UIMC1: variants seen among roughly 807,000 people sequenced by gnomAD.
UIMC1 encodes BRCA1-A complex subunit RAP80.
In UIMC1, 42 loss-of-function variants were observed where a neutral mutation model predicts 84.9. That is an observed-to-expected ratio of 0.49 (90% confidence interval 0.39 to 0.64). UIMC1 has a LOEUF of 0.64. UIMC1 is among the 30% of genes least tolerant of loss of function. UIMC1 has a pLI of 0.00. For synonymous variants in UIMC1, 281 were observed against 293.0 expected (o/e 0.96, Z 0.42); for missense variants, 825 against 847.6 (o/e 0.97, Z 0.33).
rs139209872 is a variant in UIMC1, at chr5:177,019,923, G to A, written c.-9+2541C>T. On this transcript the variant is annotated intron_variant, in intron 1 of 5. Transcript: ENST00000509236. ...CTCCAGCCTGGGCAACAGAGACTCC[G>A]TCTATAAAAAAAAAAAAATTGTAAA... 9.9e-3 allele frequency among the ~76,000 whole-genome samples: 1,384 copies of A among 140,086 alleles called. 9 individuals carry two copies. Among genetic ancestry groups the A allele is most frequent in the South Asian group, 0.028 (119 of 4,180 alleles). 91.9% of individuals were successfully genotyped at this position (140,086 alleles called of 152,430 possible).
intron 6 of UIMC1, among the ~76,000 whole-genome samples, chr5:176,963,293 G>A (rs1232574048): frequency 1.3e-5 from 2 of 151,956 alleles, no homozygotes; most frequent in Non-Finnish European, 2.9e-5. Context: ...GGCCAAGGGG[G>A]GCGGATGCCT....
chr5:177,009,041 C>CT (rs1278125855), upstream of UIMC1, among the ~76,000 whole-genome samples: 1 of 151,450 alleles, frequency 6.6e-6, no homozygotes, highest in Non-Finnish European at 1.5e-5. This position sits in a 1 kb window ranked among gnomAD's most constrained non-coding sequence, Gnocchi z 4.3. Flanking sequence ...AGGTCTCACT[C>CT]TGTCACCCGT....
intron 2 of UIMC1, among the ~76,000 whole-genome samples, chr5:176,976,946 G>A (rs920862214): frequency 4.1e-4 from 62 of 152,304 alleles, no homozygotes; most frequent in African/African-American, 1.3e-3. Context: ...CTGTGGGCCA[G>A]GCGCAGTGGC....
intron 1 of UIMC1, among the ~76,000 whole-genome samples, chr5:176,999,965 GTTTTC>G (rs1458101929): frequency 2.0e-5 from 3 of 152,014 alleles, no homozygotes; most frequent in Non-Finnish European, 4.4e-5. Flanking sequence ...TAGTTGTTTT[GTTTTC>G]TTTTTTGGGA....
rs1288222392 is a variant in UIMC1 at position 176,955,950 on chromosome 5, G to A, written c.1339+9C>T. 2 of 1,612,048 alleles carry A rather than the reference G, an allele frequency of 1.2e-6. No individual in the cohort carries two copies. The highest frequency in any genetic ancestry group is 8.5e-7 in the Non-Finnish European group (1 of 1,178,970). On this transcript the variant is annotated intron_variant, in intron 8 of 14. Coordinates refer to ENST00000511320, the MANE Select transcript of UIMC1 (RefSeq NM_001199298.2). ...CAGAAATTCAGTAAAATCACAGTGGGGTACTTACCAGGACAAACAGTGATT... is the reference window on the plus strand; with the variant it reads ...CAGAAATTCAGTAAAATCACAGTGGAGTACTTACCAGGACAAACAGTGATT...
At chr5:176,975,615 GA>G (rs1769942553) in intron 2 of UIMC1, 135 bp from the exon 3 acceptor site, 1 of 773,526 alleles carries the variant, frequency 1.3e-6, no homozygotes, top group African/African-American at 1.8e-5. Context: ...TAAAACATTA[GA>G]AGATCCTTTT....
At chr5:176,990,830 C>T (rs1018988708) in intron 1 of UIMC1, among the ~76,000 whole-genome samples, 2 of 151,566 alleles carry the variant, frequency 1.3e-5, no homozygotes, top group African/African-American at 4.9e-5. Flanking sequence ...TACACCACAA[C>T]ACTCAGCTAA....
intron 1 of UIMC1, among the ~76,000 whole-genome samples, chr5:177,002,659 G>A (rs1269043927): frequency 6.6e-6 from 1 of 152,056 alleles, no homozygotes; most frequent in Admixed American, 6.6e-5. Context: ...GAATCAACCG[G>A]GCGTAGTGGC....
At chr5:176,993,454 G>A (rs572767929) in intron 1 of UIMC1, among the ~76,000 whole-genome samples, 2 of 152,170 alleles carry the variant, frequency 1.3e-5, no homozygotes, top group South Asian at 2.1e-4. Context: ...CTCCCAAAGT[G>A]CTGGGATTAC....
chr5:176,995,771 A>C (rs535078359), intron 1 of UIMC1, among the ~76,000 whole-genome samples: 4 of 141,420 alleles, frequency 2.8e-5, no homozygotes, highest in African/African-American at 7.9e-5. Context: ...TGAACCTGGG[A>C]GGCAGAGGTT....
At chr5:176,950,825 G>A (rs1448480336) in intron 9 of UIMC1, among the ~76,000 whole-genome samples, 4 of 151,984 alleles carry the variant, frequency 2.6e-5, no homozygotes, top group Admixed American at 6.6e-5. Flanking sequence ...AGCCGAGATC[G>A]TGCCACTGCC....
At chr5:176,985,443 G>A (rs1391068919) in intron 1 of UIMC1, among the ~76,000 whole-genome samples, 1 of 148,614 alleles carries the variant, frequency 6.7e-6, no homozygotes, top group South Asian at 2.1e-4. Context: ...GCAACAAGAG[G>A]GGAATTCTGT....
intron 6 of UIMC1, among the ~76,000 whole-genome samples, chr5:176,965,861 G>C (rs1339802553): frequency 2.0e-5 from 3 of 152,162 alleles, no homozygotes; most frequent in Non-Finnish European, 4.4e-5. Flanking sequence ...TGGCCCCTGG[G>C]ATCTTGCAAG....
chr5:176,966,199 TAGAG>T (rs912231438), intron 6 of UIMC1, among the ~76,000 whole-genome samples: 10 of 152,202 alleles, frequency 6.6e-5, no homozygotes, highest in Admixed American at 6.5e-4. Context: ...TTTGATCCCT[TAGAG>T]AGAATTACCA....
intron 10 of UIMC1, among the ~76,000 whole-genome samples, chr5:176,942,223 G>C (rs1286350147): frequency 1.3e-5 from 2 of 148,936 alleles, no homozygotes; most frequent in Non-Finnish European, 3.0e-5. Flanking sequence ...ATGTAAATTA[G>C]TGATATTTTT....
chr5:176,997,694 AAAAAAAAAAAAC>A (rs1175093615), intron 1 of UIMC1, among the ~76,000 whole-genome samples: 5 of 125,142 alleles, frequency 4.0e-5, no homozygotes, highest in Non-Finnish European at 4.7e-5. Flanking sequence ...CAAAAAAAAA[AAAAAAAAAAAAC>A]CCATTTCAAT....
At chr5:176,906,333 C>G (rs1458490427) in intron 13 of UIMC1, among the ~76,000 whole-genome samples, 1 of 152,168 alleles carries the variant, frequency 6.6e-6, no homozygotes, top group Admixed American at 6.5e-5. Flanking sequence ...CTGCCACCTG[C>G]AGAGATTCAC....
chr5:176,939,514 T>TTAGATACA (rs1326643513), intron 10 of UIMC1, among the ~76,000 whole-genome samples: 1 of 152,128 alleles, frequency 6.6e-6, no homozygotes, highest in African/African-American at 2.4e-5. Flanking sequence ...TTCTATGTGT[T>TTAGATACA]TAGATACACA....
At chr5:177,009,441 G>A (rs1187437357), upstream of UIMC1, among the ~76,000 whole-genome samples, 4 of 151,314 alleles carry the variant, frequency 2.6e-5, no homozygotes, top group Admixed American at 6.6e-5. This position sits in a 1 kb window ranked among gnomAD's most constrained non-coding sequence, Gnocchi z 4.3. Flanking sequence ...CCTGGCAACC[G>A]TTCAACTTCT....
Sources: gnomAD v4.1 joint callset for allele counts (sites outside exome capture counted in the v4.1 genomes callset) on GRCh38, gnomAD v4.1.1 for gene constraint, Gnocchi (gnomAD v3.1) non-coding constraint, MANE v1.5 for transcripts, NCBI Gene and HGNC (gene_info 2026-07-23, HGNC 2026-07-21) for gene names.